The following PDZD2 variants were observed in gnomAD, a reference collection of about 807,000 sequenced individuals.
PDZD2 encodes the protein PDZ domain containing 2.
In PDZD2, 90 loss-of-function variants were observed where a neutral mutation model predicts 220.7. That is an observed-to-expected ratio of 0.41 (90% CI 0.34 to 0.49). The LOEUF is 0.49. Among genes scored for constraint, PDZD2 ranks in the 20% least tolerant of loss-of-function variants. The pLI, the probability that PDZD2 is intolerant of heterozygous loss-of-function variation, is 0.28. For synonymous variants in PDZD2, 1,375 were observed against 1,450.5 expected (o/e 0.95, Z 1.18); for missense variants, 3,174 against 3,608.5 (o/e 0.88, Z 3.08).
intron 6 of PDZD2, among the ~76,000 whole-genome samples, chr5:32,018,766 C>T (rs4867101): frequency 6.6e-6 from 1 of 152,306 alleles, no homozygotes; most frequent in African/African-American, 2.4e-5. Context: ...TTAAGCAACA[C>T]TTCAGCTGGC....
At chr5:31,986,951 A>G (rs1342713274) in intron 3 of PDZD2, among the ~76,000 whole-genome samples, 1 of 152,220 alleles carries the variant, frequency 6.6e-6, no homozygotes, top group African/African-American at 2.4e-5. Context: ...TTTTTAAAAA[A>G]TGGTATTTTC....
In PDZD2 at chr5:32,088,503, A is replaced by T. The variant is rs1742751541; in HGVS notation, c.5055A>T (p.Ser1685=). The stretch of plus-strand genomic sequence containing the variant: ...AAACTCATGCGGACATAAGCACTTC[A>T]CAGAACCACAGGCCCTCGTGTGCAG... The part of the protein sequence containing the change: ...EHETHADIST[S]QNHRPSCAEE... The change falls in exon 20 of 25, where the codon TCA becomes TCT. Residue 1685 remains serine, a synonymous_variant. Transcript: ENST00000438447. This position sits in a 1 kb window ranked among gnomAD's most constrained non-coding sequence, Gnocchi z 4.6. The T allele has an allele frequency of 6.2e-7, 1 of 1,614,008 alleles. No homozygotes were observed. Among genetic ancestry groups the T allele is most frequent in the South Asian group, 1.1e-5 (1 of 91,086 alleles).
At chr5:31,965,533 C>T (rs1012636028) in intron 2 of PDZD2, among the ~76,000 whole-genome samples, 7 of 152,148 alleles carry the variant, frequency 4.6e-5, no homozygotes, top group African/African-American at 1.7e-4. Flanking sequence ...CCTGTATTTG[C>T]ATATCAAAGG....
In PDZD2 at chr5:32,072,245, T is replaced by G. The variant is rs201622228; in HGVS notation, c.2653T>G (p.Ser885Ala). The change falls in exon 17 of 25, where the codon TCT becomes GCT. Residue 885 changes from serine (S) to alanine (A), a missense_variant. Physicochemically the swap from Ser to Ala is moderately conservative, Grantham distance 99 (BLOSUM62 1). Transcript: ENST00000438447. ...CTTGTCAGACTTCATGGTGGCCGGT[T>G]CTGAGGACGAGGATCACCCGGGAAG... ...GPLSDFMVAG[S>A]EDEDHPGSGC... 1 of 1,614,084 alleles carries G rather than the reference T, an allele frequency of 6.2e-7. No individual in the cohort carries two copies. Among genetic ancestry groups the G allele is most frequent in the East Asian group, 2.2e-5 (1 of 44,886 alleles).
chr5:32,075,714 TTC>T (rs147366814), intron 18 of PDZD2, among the ~76,000 whole-genome samples: 9 of 151,346 alleles, frequency 5.9e-5, no homozygotes, highest in Non-Finnish European at 7.4e-5. Context: ...CATAAATAAC[TTC>T]TCTCTCTCTC....
At chr5:31,666,768 G>A (rs1746004248) in intron 1 of PDZD2, among the ~76,000 whole-genome samples, 1 of 152,182 alleles carries the variant, frequency 6.6e-6, no homozygotes, top group South Asian at 2.1e-4. Flanking sequence ...TGCAGAAACT[G>A]AAGGCAAAAT....
intron 1 of PDZD2, among the ~76,000 whole-genome samples, chr5:31,651,189 C>A (rs1745335767): frequency 6.6e-6 from 1 of 152,106 alleles, no homozygotes. Context: ...ATGTCCAAGA[C>A]CCGTAACTGT....
intron 7 of PDZD2, among the ~76,000 whole-genome samples, chr5:32,047,875 T>C (rs1466752320): frequency 6.6e-6 from 1 of 152,216 alleles, no homozygotes; most frequent in African/African-American, 2.4e-5. Flanking sequence ...ACAAAAAGCA[T>C]GTGTTGTGTG....
intron 2 of PDZD2, among the ~76,000 whole-genome samples, chr5:31,955,196 G>A (rs1747551110): frequency 6.6e-6 from 1 of 152,076 alleles, no homozygotes; most frequent in South Asian, 2.1e-4. Context: ...CCTATGCGCT[G>A]ACATTGGGAT....
chr5:31,660,564 G>A (rs1745721587), intron 1 of PDZD2, among the ~76,000 whole-genome samples: 2 of 152,214 alleles, frequency 1.3e-5, no homozygotes, highest in African/African-American at 2.4e-5. Context: ...CGAGCAAAGA[G>A]GGGAAAGCCC....
intron 8 of PDZD2, 128 bp downstream of exon 8, chr5:32,048,812 T>G: frequency 1.1e-6 from 1 of 898,508 alleles, no homozygotes; most frequent in South Asian, 1.7e-5. Flanking sequence ...GCAGGCAAAG[T>G]GAGGTCTACC....
intron 2 of PDZD2, among the ~76,000 whole-genome samples, chr5:31,959,873 C>G (rs1452898001): frequency 6.6e-6 from 1 of 151,886 alleles, no homozygotes; most frequent in African/African-American, 2.4e-5. Flanking sequence ...CTTGGCCATA[C>G]CTCTCTCTCA....
intron 1 of PDZD2, among the ~76,000 whole-genome samples, chr5:31,775,736 G>A (rs1342956605): frequency 2.0e-5 from 3 of 150,928 alleles, no homozygotes; most frequent in African/African-American, 4.9e-5. Flanking sequence ...CCAGGGTAAC[G>A]TGTTGGCCTT....
intron 2 of PDZD2, among the ~76,000 whole-genome samples, chr5:31,845,734 A>G (rs1046374846): frequency 1.3e-5 from 2 of 152,216 alleles, no homozygotes; most frequent in Non-Finnish European, 2.9e-5. Flanking sequence ...AATCTTGTCC[A>G]GTTTCATTGC....
At chr5:31,684,183 G>GC (rs1287724221) in intron 1 of PDZD2, among the ~76,000 whole-genome samples, 6 of 152,174 alleles carry the variant, frequency 3.9e-5, no homozygotes, top group Non-Finnish European at 8.8e-5. Context: ...GCAGCCACCT[G>GC]CCTACTGACA....
At chr5:32,070,841 C>T (rs1740672651) in intron 15 of PDZD2, among the ~76,000 whole-genome samples, 2 of 152,138 alleles carry the variant, frequency 1.3e-5, no homozygotes. Context: ...GCTAAAAATA[C>T]GAAAGTAGCC....
At chr5:31,801,254 C>T (rs1380687023) in intron 2 of PDZD2, among the ~76,000 whole-genome samples, 2 of 152,216 alleles carry the variant, frequency 1.3e-5, no homozygotes, top group Non-Finnish European at 2.9e-5. Flanking sequence ...TGCAGAGATG[C>T]TTTTAGCCAA....
rs1321332338 is a variant in PDZD2 at position 32,024,361 on chromosome 5, T to G, written c.1408-12870T>G. The stretch of plus-strand genomic sequence containing the variant: ...TAAGATGGAAAAGGCATTAGATTTG[T>G]GGGTGGAAGACGTGAACAGAAACAT... On this transcript the variant is annotated intron_variant, in intron 6 of 24. Coordinates refer to ENST00000438447, the MANE Select transcript of PDZD2 (RefSeq NM_178140.4). Among the ~76,000 whole-genome samples the G allele has an allele frequency of 2.6e-5, 4 of 152,098 alleles. No homozygotes were observed. The East Asian group carries it at 7.7e-4, about 29-fold the overall frequency.
intron 9 of PDZD2, among the ~76,000 whole-genome samples, chr5:32,053,517 C>T (rs1326729016): frequency 6.6e-6 from 1 of 152,148 alleles, no homozygotes; most frequent in Non-Finnish European, 1.5e-5. Flanking sequence ...TATGTTTCTG[C>T]CTAAAACTTT....
Sources: gnomAD v4.1 joint callset for allele counts (sites outside exome capture counted in the v4.1 genomes callset) on GRCh38, gnomAD v4.1.1 for gene constraint, Gnocchi (gnomAD v3.1) non-coding constraint, MANE v1.5 for transcripts, NCBI Gene and HGNC (gene_info 2026-07-23, HGNC 2026-07-21) for gene names.